Variants in PEPD observed in about 807,000 individuals in gnomAD.
PEPD encodes xaa-Pro dipeptidase.
Under a neutral mutation model 60.7 loss-of-function variants are expected in PEPD, and 53 were observed. The observed-to-expected ratio is 0.87, with a 90% CI of 0.70 to 1.10. The LOEUF (loss-of-function observed/expected upper bound fraction) is 1.10, where lower values mean the gene tolerates loss of function less well. Among genes scored for constraint, PEPD ranks in the 50% least tolerant of loss-of-function variants. PEPD has a pLI of 0.00. For missense variants in PEPD, 711 were observed against 711.9 expected, an observed-to-expected ratio of 1.00 and a Z score of 0.01; for synonymous variants, 267 against 284.1, an observed-to-expected ratio of 0.94 and a Z score of 0.60.
rs73927869 is a variant in PEPD, at chr19:33,418,535, C to T, written c.672-4892G>A. On this transcript the variant is annotated intron_variant, in intron 9 of 14. Transcript: ENST00000244137. The stretch of plus-strand genomic sequence containing the variant: ...ATGGAAGGAGGGGAGCTGCTCCACG[C>T]CCTTCTTCTGGGGTGACCAGTGGGT... Among the ~76,000 whole-genome samples, 254 of 152,352 alleles carry T rather than the reference C, an allele frequency of 1.7e-3. 1 individual carries two copies. The highest frequency in any genetic ancestry group is 5.9e-3 in the African/African-American group (247 of 41,592).
At chr19:33,403,525 A>C (rs934919603) in intron 11 of PEPD, among the ~76,000 whole-genome samples, 4 of 152,130 alleles carry the variant, frequency 2.6e-5, no homozygotes, top group African/African-American at 9.7e-5. Flanking sequence ...ACCACTCCAC[A>C]AACATTCCAG....
intron 3 of PEPD, among the ~76,000 whole-genome samples, chr19:33,503,273 T>A (rs1970744540): frequency 6.6e-6 from 1 of 152,206 alleles, no homozygotes; most frequent in Non-Finnish European, 1.5e-5. Context: ...CTCACCGTAA[T>A]CAATGGACTG....
rs17570 is a variant in PEPD, at chr19:33,387,931, G to A, written c.1303C>T (p.Leu435Phe). 0.26 allele frequency: 408,882 copies of A among 1,594,290 alleles called. 55,210 individuals are homozygous for A. The highest frequency in any genetic ancestry group is 0.47 in the African/African-American group (35,173 of 74,764). ...AAGCGCTGCAGGACCTCGCGGTTAA[G>A]GAAGGAGGCGCGGGCCGGGTCCGCC... ...ALADPARASF[L>F]NREVLQRFRG... The change falls in exon 14 of 15, where the codon CTT (leucine) becomes TTT (phenylalanine). Residue 435 changes from leucine (L) to phenylalanine (F), a missense_variant. By Grantham distance (22) the Leu-to-Phe change is conservative (BLOSUM62 0). Coordinates refer to ENST00000244137, the MANE Select transcript of PEPD (RefSeq NM_000285.4).
chr19:33,494,359 C>T (rs1333115353), intron 4 of PEPD, among the ~76,000 whole-genome samples: 1 of 152,158 alleles, frequency 6.6e-6, no homozygotes, highest in East Asian at 1.9e-4. Flanking sequence ...CTCTATGCTG[C>T]CTGTATTTAA....
chr19:33,434,161 C>T (rs989000425), intron 9 of PEPD, among the ~76,000 whole-genome samples: 29 of 152,126 alleles, frequency 1.9e-4, no homozygotes, highest in African/African-American at 5.8e-4. Flanking sequence ...CAGCGCTGTT[C>T]GTGTCCCTGA....
At chr19:33,437,758 C>G (rs1380728451) in intron 9 of PEPD, among the ~76,000 whole-genome samples, 1 of 152,162 alleles carries the variant, frequency 6.6e-6, no homozygotes, top group African/African-American at 2.4e-5. Context: ...TAGGAGGAGA[C>G]TTGGGGGGGC....
Position 33,478,038 on chromosome 19 carries a change from G to A in PEPD, c.548+8C>T, listed in dbSNP as rs1356650312. The A allele has an allele frequency of 1.7e-5, 27 of 1,601,580 alleles. No individual in the cohort carries two copies. The highest frequency in any genetic ancestry group is 2.2e-5 in the East Asian group (1 of 44,782). On this transcript the variant is annotated splice_region_variant and intron_variant, in intron 7 of 14. Transcript: ENST00000244137. ...CAAACAGGCAAGGTGACCACAGGCC[G>A]TACTCACCACTCAACGATCTCTGGG...
chr19:33,413,268 G>A (rs1968817317), intron 10 of PEPD, among the ~76,000 whole-genome samples: 1 of 152,236 alleles, frequency 6.6e-6, no homozygotes, highest in Admixed American at 6.5e-5. Context: ...GTGGAGGAGT[G>A]GCCTTCCTGT....
At position 33,387,172 on chromosome 19, in the gene PEPD, A is replaced by ATT; in HGVS notation, c.*171_*172insAA. The ATT allele has an allele frequency of 1.4e-6, 1 of 711,096 alleles. No individual in the cohort carries two copies. The highest frequency in any genetic ancestry group is 2.3e-6 in the Non-Finnish European group (1 of 426,798). 44.0% of individuals were successfully genotyped at this position (711,096 alleles called of 1,614,324 possible). On this transcript the variant is annotated 3_prime_UTR_variant, in exon 15 of 15. Transcript: ENST00000244137. Reference sequence around the variant, plus strand: ...GTGGGAGCCTGCAAAAGGGTAATTAAAAAAGTGTTTCCTCCCCGGGAAACA... The same window carrying ATT: ...GTGGGAGCCTGCAAAAGGGTAATTAATTAAAAGTGTTTCCTCCCCGGGAAACA...
At chr19:33,428,034 G>A (rs1221163246) in intron 9 of PEPD, among the ~76,000 whole-genome samples, 1 of 152,060 alleles carries the variant, frequency 6.6e-6, no homozygotes, top group East Asian at 1.9e-4. Context: ...CCCCCACCTT[G>A]TAAGAGACAC....
intron 9 of PEPD, among the ~76,000 whole-genome samples, chr19:33,458,362 G>A (rs1447269354): frequency 3.3e-5 from 5 of 150,844 alleles, no homozygotes; most frequent in African/African-American, 7.3e-5. Flanking sequence ...GGCATGAGAC[G>A]TGTGGTATGT....
intron 9 of PEPD, among the ~76,000 whole-genome samples, chr19:33,426,445 T>C (rs1969150799): frequency 6.6e-6 from 1 of 152,256 alleles, no homozygotes. Flanking sequence ...ATCAATGTCT[T>C]TCTAAAGCAC....
chr19:33,388,786 G>A (rs1026303272), intron 13 of PEPD: 2 of 159,858 alleles, frequency 1.3e-5, no homozygotes, highest in Non-Finnish European at 2.8e-5. Flanking sequence ...TCCCTGCAGG[G>A]GCCCCTGTCT....
intron 6 of PEPD, among the ~76,000 whole-genome samples, chr19:33,487,592 G>C (rs1010445468): frequency 1.3e-5 from 2 of 152,188 alleles, no homozygotes; most frequent in African/African-American, 4.8e-5. Flanking sequence ...ACCAGCACCC[G>C]GGGTGGGGGG....
intron 5 of PEPD, 64 bp from the exon 6 acceptor site, chr19:33,490,121 T>C (rs1970471433): frequency 3.5e-6 from 4 of 1,135,708 alleles, no homozygotes; most frequent in Non-Finnish European, 5.3e-6. Context: ...CCTGCACCCC[T>C]GAGGCCTCCA....
intron 12 of PEPD, among the ~76,000 whole-genome samples, chr19:33,400,062 CCG>C (rs891696875): frequency 3.3e-5 from 5 of 152,200 alleles, no homozygotes; most frequent in Non-Finnish European, 7.3e-5. Flanking sequence ...TCCCCTCTGC[CCG>C]CGGTAAGCCC....
At chr19:33,494,098 G>A (rs1164275311) in intron 4 of PEPD, among the ~76,000 whole-genome samples, 1 of 152,056 alleles carries the variant, frequency 6.6e-6, no homozygotes, top group Non-Finnish European at 1.5e-5. Flanking sequence ...CCCCAGCAAA[G>A]TGCCATGTGC....
intron 9 of PEPD, among the ~76,000 whole-genome samples, chr19:33,461,256 T>C (rs185269651): frequency 3.7e-4 from 56 of 152,102 alleles, no homozygotes; most frequent in African/African-American, 1.2e-3. Context: ...GGTGGGGACT[T>C]TGGGGTTCAT....
intron 9 of PEPD, among the ~76,000 whole-genome samples, chr19:33,446,688 A>G (rs1204174446): frequency 6.6e-6 from 1 of 152,226 alleles, no homozygotes; most frequent in African/African-American, 2.4e-5. Flanking sequence ...TTGCAAAAGC[A>G]GCATGCTCTC....
Sources: allele counts gnomAD v4.1 joint callset (sites outside exome capture counted in the v4.1 genomes callset), GRCh38; gene constraint gnomAD v4.1.1; transcripts MANE v1.5; gene names NCBI Gene and HGNC (gene_info 2026-07-23, HGNC 2026-07-21).